Variants in SYT9 observed in about 807,000 individuals in gnomAD.
SYT9 encodes the protein synaptotagmin 9.
A neutral mutation model predicts 48.4 loss-of-function variants in SYT9; 22 were observed. That is an observed-to-expected ratio of 0.45 (90% CI 0.32 to 0.65). The LOEUF (loss-of-function observed/expected upper bound fraction) is 0.65, where lower values mean the gene tolerates loss of function less well. Ranked by LOEUF, SYT9 falls within the 30% of genes least tolerant of loss-of-function variation. The probability of loss-of-function intolerance (pLI) is 0.03; values close to 1 mark genes in which losing one functional copy is unlikely to be tolerated. For synonymous variants in SYT9, 265 were observed against 245.0 expected, an observed-to-expected ratio of 1.08 and a Z score of -0.76; for missense variants, 577 against 622.0, an observed-to-expected ratio of 0.93 and a Z score of 0.77.
chr11:7,369,737 A>G (rs1271497014), intron 3 of SYT9, among the ~76,000 whole-genome samples: 1 of 150,430 alleles, frequency 6.6e-6, no homozygotes, highest in South Asian at 2.1e-4. Flanking sequence ...TTAAGGATAT[A>G]TAGGCTTGTT....
intron 3 of SYT9, among the ~76,000 whole-genome samples, chr11:7,367,580 A>C (rs1850277277): frequency 6.6e-6 from 1 of 152,066 alleles, no homozygotes; most frequent in Admixed American, 6.5e-5. Context: ...ATCTTTTTGT[A>C]AGTTTATTTA....
chr11:7,315,501 T>C (rs909090736), intron 3 of SYT9, among the ~76,000 whole-genome samples: 1 of 152,132 alleles, frequency 6.6e-6, no homozygotes, highest in Non-Finnish European at 1.5e-5. Flanking sequence ...GGTAGGGAGG[T>C]GTTGGTCACA....
At chr11:7,387,125 A>G (rs1011420832) in intron 3 of SYT9, among the ~76,000 whole-genome samples, 1 of 152,154 alleles carries the variant, frequency 6.6e-6, no homozygotes, top group African/African-American at 2.4e-5. Context: ...AAGAAGGGGA[A>G]CATCACACAC....
At chr11:7,437,001 C>G (rs1177992169) in intron 6 of SYT9, among the ~76,000 whole-genome samples, 1 of 152,166 alleles carries the variant, frequency 6.6e-6, no homozygotes, top group Non-Finnish European at 1.5e-5. Context: ...CCTGAAAGCA[C>G]CTAGCATAAT....
chr11:7,243,706 G>C (rs778086401), intron 1 of SYT9, among the ~76,000 whole-genome samples: 4 of 152,180 alleles, frequency 2.6e-5, no homozygotes, highest in Non-Finnish European at 5.9e-5. Context: ...ACTGGGGATG[G>C]GGGAGGTTTG....
chr11:7,351,421 T>C (rs1444108623), intron 3 of SYT9, among the ~76,000 whole-genome samples: 1 of 152,208 alleles, frequency 6.6e-6, no homozygotes, highest in African/African-American at 2.4e-5. Flanking sequence ...GCAGTGGCAG[T>C]GCTGGCCCAC....
chr11:7,303,717 C>T (rs1414624374), intron 2 of SYT9, among the ~76,000 whole-genome samples: 5 of 152,050 alleles, frequency 3.3e-5, no homozygotes, highest in African/African-American at 4.8e-5. Context: ...TAAGTCAAGG[C>T]GATTAAATTT....
At chr11:7,331,378 C>T (rs1849526216) in intron 3 of SYT9, among the ~76,000 whole-genome samples, 1 of 151,512 alleles carries the variant, frequency 6.6e-6, no homozygotes, top group East Asian at 2.0e-4. Flanking sequence ...CAATTACCTT[C>T]TATTATTTCA....
chr11:7,355,857 C>T (rs1407198203), intron 3 of SYT9, among the ~76,000 whole-genome samples: 1 of 152,242 alleles, frequency 6.6e-6, no homozygotes, highest in East Asian at 1.9e-4. Flanking sequence ...ATTTCTCATG[C>T]TGTGTCTTTG....
intron 6 of SYT9, chr11:7,427,434 C>T (rs972911861): frequency 6.6e-6 from 1 of 152,154 alleles, no homozygotes; most frequent in African/African-American, 2.4e-5. Context: ...ATGAGGGTCC[C>T]CCTCTACTTG....
chr11:7,362,009 C>T (rs922146478), intron 3 of SYT9, among the ~76,000 whole-genome samples: 2 of 152,104 alleles, frequency 1.3e-5, no homozygotes, highest in Non-Finnish European at 2.9e-5. Flanking sequence ...AGGGCAAAAG[C>T]CCTATGCTAG....
rs1278835041 is a variant in SYT9, at chr11:7,252,691, C to T, written c.145+360C>T. On this transcript the variant is annotated intron_variant, in intron 1 of 6. Coordinates refer to ENST00000318881, the MANE Select transcript of SYT9 (RefSeq NM_175733.4). This position sits in a 1 kb window ranked among gnomAD's most constrained non-coding sequence, Gnocchi z 6.3. Reference sequence around the variant, plus strand: ...GAGCGAGGGGAGGCCGCGGCGGCCTCGGAGCCGTGGGAAGGGGGACGAGGC... The same window carrying T: ...GAGCGAGGGGAGGCCGCGGCGGCCTTGGAGCCGTGGGAAGGGGGACGAGGC... Among the ~76,000 whole-genome samples the T allele has an allele frequency of 6.6e-6, 1 of 152,200 alleles. No individual in the cohort carries two copies. The highest frequency in any genetic ancestry group is 1.5e-5 in the Non-Finnish European group (1 of 68,038).
intron 1 of SYT9, among the ~76,000 whole-genome samples, chr11:7,301,103 G>C (rs2133934188): frequency 6.6e-6 from 1 of 152,294 alleles, no homozygotes; most frequent in East Asian, 1.9e-4. Flanking sequence ...CTGGTTAACT[G>C]ATGAATTGAT....
At chr11:7,255,931 T>C (rs1297703984) in intron 1 of SYT9, among the ~76,000 whole-genome samples, 1 of 152,180 alleles carries the variant, frequency 6.6e-6, no homozygotes, top group Non-Finnish European at 1.5e-5. Flanking sequence ...GAAGATTAAT[T>C]GGTTATAGAA....
chr11:7,371,430 A>T (rs1010702093), intron 3 of SYT9, among the ~76,000 whole-genome samples: 1 of 152,014 alleles, frequency 6.6e-6, no homozygotes, highest in Non-Finnish European at 1.5e-5. Flanking sequence ...GATTTTTTCT[A>T]TGTACATTAT....
intron 3 of SYT9, among the ~76,000 whole-genome samples, chr11:7,329,034 A>C (rs2133974937): frequency 6.6e-6 from 1 of 152,294 alleles, no homozygotes; most frequent in South Asian, 2.1e-4. Context: ...ATTTTTAAAA[A>C]TTATTGTTTA....
intron 6 of SYT9, chr11:7,438,513 CTT>C (rs1847758526): frequency 6.5e-6 from 1 of 152,756 alleles, no homozygotes; most frequent in Admixed American, 6.5e-5. Context: ...ACTACCAGAA[CTT>C]TGGCCCACCC....
intron 3 of SYT9, among the ~76,000 whole-genome samples, chr11:7,407,360 A>ATTTTTTTTTTTTTTTTTT (rs756378336): frequency 2.6e-5 from 1 of 37,756 alleles, no homozygotes; most frequent in African/African-American, 2.4e-4. Context: ...TAAGTCTATA[A>ATTTTTTTTTTTTTTTTTT]TTTTTTTTTT....
intron 1 of SYT9, among the ~76,000 whole-genome samples, chr11:7,301,570 A>G (rs1273305892): frequency 6.6e-6 from 1 of 152,220 alleles, no homozygotes; most frequent in Non-Finnish European, 1.5e-5. Flanking sequence ...TTAGTCATTT[A>G]CTAATTTCTA....
Sources: allele counts gnomAD v4.1 joint callset (sites outside exome capture counted in the v4.1 genomes callset), GRCh38; gene constraint gnomAD v4.1.1; non-coding constraint Gnocchi (gnomAD v3.1); transcripts MANE v1.5; gene names NCBI Gene and HGNC (gene_info 2026-07-23, HGNC 2026-07-21).